The following PLB1 variants were observed in gnomAD, a reference collection of about 807,000 sequenced individuals.
The protein encoded by PLB1 is phospholipase B1.
Under a neutral mutation model 227.4 loss-of-function variants are expected in PLB1, and 242 were observed. The ratio of observed to expected loss-of-function variants is 1.06; its 90% CI spans 0.96 to 1.18. PLB1 has a LOEUF of 1.18. Ranked by LOEUF, PLB1 falls within the 50% of genes most tolerant of loss-of-function variation. The probability of loss-of-function intolerance (pLI) is 0.00; values close to 1 mark genes in which losing one functional copy is unlikely to be tolerated. For missense variants in PLB1, 1,858 were observed against 1,816.3 expected (o/e 1.02, Z -0.42); for synonymous variants, 757 against 682.2 (o/e 1.11, Z -1.71).
At chr2:28,587,570 G>A (rs552976115) in intron 26 of PLB1, among the ~76,000 whole-genome samples, 28 of 151,650 alleles carry the variant, frequency 1.8e-4, no homozygotes, top group African/African-American at 3.4e-4. Flanking sequence ...AGATTGCACC[G>A]TTGCGCTCCA....
In PLB1 at chr2:28,617,831, G is replaced by A. The variant is rs149851634; in HGVS notation, c.3256+44G>A. The A allele has an allele frequency of 9.4e-4, 1,482 of 1,569,156 alleles. 8 individuals carry two copies. Among genetic ancestry groups the A allele is most frequent in the African/African-American group, 9.3e-3 (688 of 74,090 alleles). On this transcript the variant is annotated intron_variant, in intron 45 of 57. Coordinates refer to ENST00000327757, the MANE Select transcript of PLB1 (RefSeq NM_153021.5). ...ATCTCCTTCAATTAAGGGCCTTGCC[G>A]AATATCAGGTTGTGGGGAGACCCTG...
At chr2:28,577,442 T>C (rs1679161786) in intron 21 of PLB1, among the ~76,000 whole-genome samples, 1 of 152,238 alleles carries the variant, frequency 6.6e-6, no homozygotes, top group Non-Finnish European at 1.5e-5. Context: ...GGTGGTGCCA[T>C]GACATGTGCA....
chr2:28,515,465 C>T (rs1668735668), intron 1 of PLB1, among the ~76,000 whole-genome samples: 1 of 152,190 alleles, frequency 6.6e-6, no homozygotes, highest in Admixed American at 6.5e-5. Flanking sequence ...CCTTTCTGCC[C>T]AGAAAGCTTG....
At chr2:28,521,157 C>T (rs72786884) in intron 4 of PLB1, among the ~76,000 whole-genome samples, 12,870 of 152,224 alleles carry the variant, frequency 0.085, 669 homozygotes, top group East Asian at 0.21. Context: ...GATCAGATTT[C>T]ATTTATTCAT....
intron 1 of PLB1, among the ~76,000 whole-genome samples, chr2:28,501,120 T>A (rs565092776): frequency 1.3e-5 from 2 of 152,320 alleles, no homozygotes; most frequent in Non-Finnish European, 1.5e-5. Context: ...TTTTCTTTTT[T>A]AAAAACATCC....
At position 28,604,769 on chromosome 2, in the gene PLB1, C is replaced by G; in HGVS notation, c.2961+10C>G. ...GCTCCCTGTCCTGGCGGTATGTCCC[C>G]TGCCCTCACCCATGGTACTCTTTTA... On this transcript the variant is annotated intron_variant, in intron 41 of 57. Transcript: ENST00000327757. The G allele has an allele frequency of 6.2e-7, 1 of 1,610,560 alleles. No homozygotes were observed. Among genetic ancestry groups the G allele is most frequent in the Non-Finnish European group, 8.5e-7 (1 of 1,177,336 alleles).
At chr2:28,580,896 C>G (rs768003484) in intron 23 of PLB1, among the ~76,000 whole-genome samples, 2 of 152,076 alleles carry the variant, frequency 1.3e-5, no homozygotes, top group Non-Finnish European at 2.9e-5. Context: ...CCTGTGAGCA[C>G]CTACCTGGAG....
At chr2:28,604,984 G>A (rs771268583) in intron 41 of PLB1, among the ~76,000 whole-genome samples, 6 of 152,186 alleles carry the variant, frequency 3.9e-5, no homozygotes, top group African/African-American at 1.2e-4. Context: ...CTAGTGCCAG[G>A]CACTGTGCTT....
rs78408135 is a variant in PLB1, at chr2:28,573,206, G to A, written c.1334G>A (p.Arg445Gln). 8.8e-5 allele frequency: 142 copies of A among 1,613,318 alleles called. 1 individual carries two copies. The East Asian group carries it at 1.4e-3, about 16-fold the overall frequency. Reference sequence around the variant, plus strand: ...TTCCTTGTATTTGCAGACATCCTCCGGGAATTCAACCCTTCCCTGAAGGGC... The same window carrying A: ...TTCCTTGTATTTGCAGACATCCTCCAGGAATTCAACCCTTCCCTGAAGGGC... ...GTVTTLANILREFNPSLKGFS... is the reference protein window; with the variant it reads ...GTVTTLANILQEFNPSLKGFS... Residue 445 changes from arginine to glutamine, a missense_variant, in exon 21 of 58, where the codon CGG (arginine) becomes CAG (glutamine). Transcript: ENST00000327757.
intron 49 of PLB1, among the ~76,000 whole-genome samples, 161 bp downstream of exon 49, chr2:28,621,139 T>C (rs977665735): frequency 6.6e-6 from 1 of 152,120 alleles, no homozygotes; most frequent in African/African-American, 2.4e-5. Flanking sequence ...CCTCACACCC[T>C]TGGACAGGGG....
At chr2:28,624,552 A>G (rs1687475549) in intron 49 of PLB1, among the ~76,000 whole-genome samples, 1 of 151,938 alleles carries the variant, frequency 6.6e-6, no homozygotes, top group Non-Finnish European at 1.5e-5. Context: ...AAGTGAGGAG[A>G]TGGGGAATGG....
chr2:28,597,645 A>C (rs997386392), intron 33 of PLB1, among the ~76,000 whole-genome samples: 3 of 152,096 alleles, frequency 2.0e-5, no homozygotes, highest in Admixed American at 2.0e-4. Context: ...TGTGCACCTC[A>C]TTTTCTTACT....
At chr2:28,594,904 A>T (rs1289675883) in intron 33 of PLB1, 1 of 152,184 alleles carries the variant, frequency 6.6e-6, no homozygotes, top group African/African-American at 2.4e-5. Flanking sequence ...AGCAGAGCTT[A>T]TTACAATCAG....
intron 4 of PLB1, among the ~76,000 whole-genome samples, chr2:28,520,304 TAATA>T (rs973671828): frequency 2.8e-4 from 43 of 152,222 alleles, no homozygotes; most frequent in African/African-American, 1.0e-3. Flanking sequence ...GGTTTCCCAT[TAATA>T]AATTAAATCC....
chr2:28,624,857 CA>C (rs1687528789), intron 49 of PLB1, among the ~76,000 whole-genome samples, 199 bp from the exon 50 acceptor site: 1 of 152,160 alleles, frequency 6.6e-6, no homozygotes. Flanking sequence ...TATTGGGTGG[CA>C]GGGGCTAGAT....
chr2:28,498,081 T>G (rs12992490), intron 1 of PLB1, among the ~76,000 whole-genome samples: 144,949 of 151,616 alleles, frequency 0.96, 69,507 homozygotes, highest in East Asian at 1. Flanking sequence ...GTATCTTAAA[T>G]AACTCCTCTC....
chr2:28,607,899 A>G (rs750038665), intron 43 of PLB1, among the ~76,000 whole-genome samples: 7 of 152,176 alleles, frequency 4.6e-5, no homozygotes, highest in Non-Finnish European at 7.3e-5. Flanking sequence ...AAAAGCAGCC[A>G]TCATTTGCTC....
At chr2:28,536,978 A>G (rs1671771301) in intron 9 of PLB1, among the ~76,000 whole-genome samples, 2 of 152,184 alleles carry the variant, frequency 1.3e-5, no homozygotes, top group Non-Finnish European at 2.9e-5. Flanking sequence ...GGTATGGTTC[A>G]GATGGGCAGC....
At chr2:28,496,832 A>G (rs1666507320) in intron 1 of PLB1, among the ~76,000 whole-genome samples, 1 of 152,178 alleles carries the variant, frequency 6.6e-6, no homozygotes, top group African/African-American at 2.4e-5. Flanking sequence ...AGAATCTTTT[A>G]AACTGAAAAG....
Sources: gnomAD v4.1 joint callset for allele counts (sites outside exome capture counted in the v4.1 genomes callset) on GRCh38, gnomAD v4.1.1 for gene constraint, MANE v1.5 for transcripts, NCBI Gene and HGNC (gene_info 2026-07-23, HGNC 2026-07-21) for gene names.